The following TSHR variants were observed in gnomAD, a reference collection of about 807,000 sequenced individuals.
TSHR encodes thyrotropin receptor.
Under a neutral mutation model 64.1 loss-of-function variants are expected in TSHR, and 51 were observed. The observed-to-expected ratio is 0.80, with a 90% CI of 0.64 to 1.01. The LOEUF (loss-of-function observed/expected upper bound fraction) is 1.01, where lower values mean the gene tolerates loss of function less well. Ranked by LOEUF, TSHR falls within the 50% of genes least tolerant of loss-of-function variation. TSHR has a pLI of 0.00. For missense variants in TSHR, 877 were observed against 942.8 expected (o/e 0.93, Z 0.91); for synonymous variants, 361 against 361.9 (o/e 1.00, Z 0.03).
rs1886632792 is a variant in TSHR at position 80,955,747 on chromosome 14, G to C, written c.67G>C (p.Gly23Arg). Residue 23 changes from glycine to arginine, a missense_variant, in exon 1 of 10, where the codon GGG becomes CGG. Coordinates refer to ENST00000298171, the MANE Select transcript of TSHR (RefSeq NM_000369.5). Reference protein sequence around the residue: ...LDLPRDLGGMGCSSPPCECHQ... With the variant: ...LDLPRDLGGMRCSSPPCECHQ... ...CCTGCCCAGGGACCTGGGCGGAATG[G>C]GGTGTTCGTCTCCACCCTGCGAGTG... 5.0e-6 allele frequency: 8 copies of C among 1,614,064 alleles called. No homozygotes were observed. Among genetic ancestry groups the C allele is most frequent in the African/African-American group, 1.3e-5 (1 of 74,934 alleles).
chr14:81,113,492 G>A (rs1247492541), intron 8 of TSHR, among the ~76,000 whole-genome samples: 1 of 152,162 alleles, frequency 6.6e-6, no homozygotes, highest in Non-Finnish European at 1.5e-5. Context: ...CTGGTGATGA[G>A]GGGATACAGG....
At chr14:81,090,769 A>T (rs1888667121) in intron 4 of TSHR, among the ~76,000 whole-genome samples, 1 of 152,104 alleles carries the variant, frequency 6.6e-6, no homozygotes, top group South Asian at 2.1e-4. Flanking sequence ...ACACACGAAA[A>T]CTGAATTTAT....
At chr14:80,982,468 C>A (rs1456978313) in intron 1 of TSHR, 3 of 1,108,968 alleles carry the variant, frequency 2.7e-6, no homozygotes, top group Non-Finnish European at 1.2e-6. Context: ...CAGTTGCAAA[C>A]CTAGGTCTGG....
chr14:81,139,993 T>C, intron 9 of TSHR, 126 bp downstream of exon 9: 2 of 1,297,308 alleles, frequency 1.5e-6, no homozygotes, highest in Non-Finnish European at 2.2e-6. Context: ...AGCATCCATA[T>C]GAAACAGGAA....
chr14:81,137,907 C>T (rs1281797184), intron 8 of TSHR, among the ~76,000 whole-genome samples: 1 of 152,124 alleles, frequency 6.6e-6, no homozygotes, highest in East Asian at 1.9e-4. Context: ...GACGTGAAAG[C>T]ATCACTGGGA....
chr14:81,106,623 T>C (rs1436181190), intron 7 of TSHR, among the ~76,000 whole-genome samples: 2 of 152,128 alleles, frequency 1.3e-5, no homozygotes, highest in Non-Finnish European at 2.9e-5. Flanking sequence ...ATGGCTACTT[T>C]AGATTAGCTA....
chr14:81,056,410 T>C (rs566849565), intron 1 of TSHR, among the ~76,000 whole-genome samples: 15 of 152,200 alleles, frequency 9.9e-5, no homozygotes, highest in Admixed American at 2.0e-4. Flanking sequence ...GGTTTATGTG[T>C]ACATATATGC....
At chr14:80,982,412 T>G (rs1888221064) in intron 1 of TSHR, 1 of 1,245,730 alleles carries the variant, frequency 8.0e-7, no homozygotes, top group South Asian at 1.7e-5. Context: ...AAACCTGAAA[T>G]TGGTGCCCAG....
intron 7 of TSHR, among the ~76,000 whole-genome samples, chr14:81,099,017 G>A (rs931759912): frequency 6.6e-6 from 1 of 152,154 alleles, no homozygotes; most frequent in Non-Finnish European, 1.5e-5. Context: ...TCAAGATAGA[G>A]TATAAAATTC....
intron 1 of TSHR, chr14:80,982,751 A>G: frequency 1.5e-6 from 1 of 689,092 alleles, no homozygotes; most frequent in Non-Finnish European, 2.4e-6. Flanking sequence ...GCTGAAGAAA[A>G]TGCCTATTCT....
At chr14:80,974,845 T>C (rs1240136302) in intron 1 of TSHR, among the ~76,000 whole-genome samples, 1 of 152,172 alleles carries the variant, frequency 6.6e-6, no homozygotes, top group Non-Finnish European at 1.5e-5. Context: ...GGTATAAAGC[T>C]ATGTCAGCTA....
At chr14:81,060,895 G>A (rs1277283143) in intron 1 of TSHR, among the ~76,000 whole-genome samples, 3 of 152,104 alleles carry the variant, frequency 2.0e-5, no homozygotes, top group Non-Finnish European at 2.9e-5. Context: ...CTATAGTAAA[G>A]AGCGTAACTC....
intron 1 of TSHR, chr14:81,053,265 G>A (rs1337722697): frequency 2.6e-5 from 4 of 152,144 alleles, no homozygotes; most frequent in Non-Finnish European, 5.9e-5. Context: ...TTGATTGGAT[G>A]AGGCCCATTC....
chr14:81,059,303 CAT>C (rs1409394957), intron 1 of TSHR, among the ~76,000 whole-genome samples: 4 of 152,096 alleles, frequency 2.6e-5, no homozygotes, highest in Non-Finnish European at 5.9e-5. Flanking sequence ...AAACTAATCA[CAT>C]GTTAAAAGCC....
intron 1 of TSHR, among the ~76,000 whole-genome samples, chr14:81,028,315 A>T (rs567775632): frequency 6.6e-6 from 1 of 152,292 alleles, no homozygotes; most frequent in African/African-American, 2.4e-5. Context: ...ATTCAAAAAA[A>T]TTTAATCGCA....
At position 80,955,785 on chromosome 14, in the gene TSHR, G is replaced by A; in HGVS notation, c.105G>A (p.Glu35=). The part of the protein sequence containing the change: ...SSPPCECHQE[E]DFRVTCKDIQ... ...CACCCTGCGAGTGCCATCAGGAGGA[G>A]GACTTCAGAGTCACCTGCAAGGATA... The change falls in exon 1 of 10, where the codon GAG becomes GAA. Residue 35 remains glutamate, a synonymous_variant. Coordinates refer to ENST00000298171, the MANE Select transcript of TSHR (RefSeq NM_000369.5). The A allele has an allele frequency of 6.2e-7, 1 of 1,614,188 alleles. No individual in the cohort carries two copies. The highest frequency in any genetic ancestry group is 1.1e-5 in the South Asian group (1 of 91,082).
intron 8 of TSHR, among the ~76,000 whole-genome samples, chr14:81,125,497 T>C (rs1890983766): frequency 6.6e-6 from 1 of 152,144 alleles, no homozygotes; most frequent in African/African-American, 2.4e-5. Context: ...TTATTGCTGA[T>C]ACCTCTGTCA....
At chr14:81,082,090 G>A (rs1887943128) in intron 3 of TSHR, among the ~76,000 whole-genome samples, 1 of 152,190 alleles carries the variant, frequency 6.6e-6, no homozygotes, top group Non-Finnish European at 1.5e-5. Context: ...ACTATTTAAT[G>A]TGCTCTGGAG....
intron 1 of TSHR, among the ~76,000 whole-genome samples, chr14:80,970,822 G>A (rs1887552625): frequency 6.6e-6 from 1 of 152,150 alleles, no homozygotes; most frequent in South Asian, 2.1e-4. Flanking sequence ...ACCTTAGAAG[G>A]GATTTTTTTG....
Sources: allele counts gnomAD v4.1 joint callset (sites outside exome capture counted in the v4.1 genomes callset), GRCh38; gene constraint gnomAD v4.1.1; transcripts MANE v1.5; gene names NCBI Gene and HGNC (gene_info 2026-07-23, HGNC 2026-07-21).